The following STK38L variants were observed in gnomAD, a reference collection of about 807,000 sequenced individuals.
STK38L encodes the protein serine/threonine kinase 38 like.
Under a neutral mutation model 59.7 loss-of-function variants are expected in STK38L, and 28 were observed. The observed-to-expected ratio is 0.47, with a 90% CI of 0.35 to 0.64. The LOEUF (loss-of-function observed/expected upper bound fraction) is 0.64. Among genes scored for constraint, STK38L ranks in the 30% least tolerant of loss-of-function variants. The probability of loss-of-function intolerance (pLI) is 0.01; values close to 1 mark genes in which losing one functional copy is unlikely to be tolerated. For missense variants in STK38L, 314 were observed against 555.8 expected (o/e 0.56, Z 4.37); for synonymous variants, 162 against 176.8 (o/e 0.92, Z 0.66).
At chr12:27,300,945 C>T (rs1944154509) in intron 2 of STK38L, among the ~76,000 whole-genome samples, 1 of 152,136 alleles carries the variant, frequency 6.6e-6, no homozygotes, top group African/African-American at 2.4e-5. Flanking sequence ...AATCCTTAAC[C>T]CTTATACCCA....
In STK38L at chr12:27,314,710, G is replaced by A. The variant is rs575059794; in HGVS notation, c.672+52G>A. Reference sequence around the variant, plus strand: ...AGGCTGTTGATTATTTTTTAGAGCAGTAGGGCTGATTTTGTGAATGGAAAT... The same window carrying A: ...AGGCTGTTGATTATTTTTTAGAGCAATAGGGCTGATTTTGTGAATGGAAAT... On this transcript the variant is annotated intron_variant, in intron 7 of 13. Coordinates refer to ENST00000389032, the MANE Select transcript of STK38L (RefSeq NM_015000.4). 8 of 1,522,026 alleles carry A rather than the reference G, an allele frequency of 5.3e-6. No individual in the cohort carries two copies. In the South Asian group the frequency reaches 9.1e-5, roughly 17 times the overall value. The allele number at this position is 1,522,026 out of a possible 1,614,324, so 94.3% of individuals were successfully genotyped here. A position where few individuals can be genotyped will look rare whatever the true frequency, so the allele number is the denominator to read the frequency against.
At chr12:27,271,724 G>A (rs1943426915) in intron 1 of STK38L, among the ~76,000 whole-genome samples, 1 of 152,112 alleles carries the variant, frequency 6.6e-6, no homozygotes, top group Non-Finnish European at 1.5e-5. Flanking sequence ...TTTTGAGACG[G>A]AGTTTTGCTC....
chr12:27,289,644 A>G (rs1373470794), intron 1 of STK38L, among the ~76,000 whole-genome samples: 1 of 152,244 alleles, frequency 6.6e-6, no homozygotes, highest in Non-Finnish European at 1.5e-5. Flanking sequence ...TGATCAGGGC[A>G]TACGCCACAT....
In STK38L at chr12:27,323,710, G is replaced by A. The variant is rs1286157879; in HGVS notation, c.*1255G>A. 1 of 152,566 alleles carries A rather than the reference G, an allele frequency of 6.6e-6. No individual in the cohort carries two copies. The highest frequency in any genetic ancestry group is 1.5e-5 in the Non-Finnish European group (1 of 67,988). 9.5% of individuals were successfully genotyped at this position (152,566 alleles called of 1,614,324 possible). A position where few individuals can be genotyped will look rare whatever the true frequency, so the allele number is the denominator to read the frequency against. Reference sequence around the variant, plus strand: ...TGTGGTGAATATAGATGGAATTAAGGAAGTAAATGCAGGCCAGGGGGTTGT... The same window carrying A: ...TGTGGTGAATATAGATGGAATTAAGAAAGTAAATGCAGGCCAGGGGGTTGT... On this transcript the variant is annotated 3_prime_UTR_variant, in exon 14 of 14. Transcript: ENST00000389032.
At position 27,259,851 on chromosome 12, in the gene STK38L, A is replaced by G. The variant is rs1943168619; in HGVS notation, c.-12+15519A>G. Among the ~76,000 whole-genome samples the G allele has an allele frequency of 2.6e-5, 4 of 152,104 alleles. No homozygotes were observed. In the South Asian group the frequency reaches 8.3e-4, roughly 31 times the overall value. ...TCCTGTGTTTCTTTTATAGGCATCCATGTTATGTGTCCCTCCTTTCTTTTT... is the reference window on the plus strand; with the variant it reads ...TCCTGTGTTTCTTTTATAGGCATCCGTGTTATGTGTCCCTCCTTTCTTTTT... On this transcript the variant is annotated intron_variant, in intron 1 of 13. Coordinates refer to ENST00000389032, the MANE Select transcript of STK38L (RefSeq NM_015000.4).
intron 3 of STK38L, among the ~76,000 whole-genome samples, chr12:27,305,386 C>G (rs1436131873): frequency 6.6e-6 from 1 of 151,796 alleles, no homozygotes; most frequent in Admixed American, 6.6e-5. Context: ...GTCAGTGGCC[C>G]ATAATACCAG....
chr12:27,319,049 C>T (rs1944660432), intron 11 of STK38L, among the ~76,000 whole-genome samples: 1 of 152,064 alleles, frequency 6.6e-6, no homozygotes, highest in African/African-American at 2.4e-5. Flanking sequence ...CAAATTTTCT[C>T]AGTATATCAA....
At chr12:27,304,657 A>G (rs973059377) in intron 3 of STK38L, among the ~76,000 whole-genome samples, 9 of 152,152 alleles carry the variant, frequency 5.9e-5, no homozygotes, top group African/African-American at 2.2e-4. Flanking sequence ...TAAATTTCTT[A>G]TAATTAATAA....
rs892260445 is a variant in STK38L at position 27,308,563 on chromosome 12, G to A, written c.309+102G>A. On this transcript the variant is annotated intron_variant, in intron 4 of 13. Coordinates refer to ENST00000389032, the MANE Select transcript of STK38L (RefSeq NM_015000.4). This position sits in a 1 kb window ranked among gnomAD's most constrained non-coding sequence, Gnocchi z 4.5. ...TTCCTGGCTGGGTGCGGTGGCTCAC[G>A]CCTGTAATCCCAATACTTTGGGAGG... 10 of 1,218,384 alleles carry A rather than the reference G, an allele frequency of 8.2e-6. No homozygotes were observed. Among genetic ancestry groups the A allele is most frequent in the East Asian group, 4.0e-5 (1 of 25,098 alleles). The allele number at this position is 1,218,384 out of a possible 1,614,324, so 75.5% of individuals were successfully genotyped here. A position where few individuals can be genotyped will look rare whatever the true frequency, so the allele number is the denominator to read the frequency against.
chr12:27,312,804 T>C (rs751847420), intron 6 of STK38L, 132 bp downstream of exon 6: 27 of 1,067,158 alleles, frequency 2.5e-5, no homozygotes, highest in Non-Finnish European at 3.1e-5. Flanking sequence ...TAAAAATATT[T>C]ACTACCATAT....
intron 1 of STK38L, among the ~76,000 whole-genome samples, chr12:27,285,827 T>C (rs1447059051): frequency 1.3e-5 from 2 of 152,240 alleles, no homozygotes; most frequent in African/African-American, 2.4e-5. Context: ...CTCTCTTCTT[T>C]GTATGATTTT....
At chr12:27,268,823 A>G (rs979335990) in intron 1 of STK38L, among the ~76,000 whole-genome samples, 4 of 152,124 alleles carry the variant, frequency 2.6e-5, no homozygotes, top group Non-Finnish European at 5.9e-5. Context: ...AACTGGTGTG[A>G]GATGGTATCT....
intron 1 of STK38L, among the ~76,000 whole-genome samples, chr12:27,272,948 A>G (rs529952330): frequency 6.6e-6 from 1 of 152,288 alleles, no homozygotes; most frequent in Admixed American, 6.5e-5. Flanking sequence ...ATGAAGAAAT[A>G]CTGGAAAAAC....
At chr12:27,281,918 C>T (rs139684367) in intron 1 of STK38L, among the ~76,000 whole-genome samples, 1 of 152,060 alleles carries the variant, frequency 6.6e-6, no homozygotes, top group East Asian at 1.9e-4. Context: ...CACCTGTAAT[C>T]CCAGCTACTT....
chr12:27,262,419 A>C (rs1943219876), intron 1 of STK38L, among the ~76,000 whole-genome samples: 1 of 152,248 alleles, frequency 6.6e-6, no homozygotes, highest in Non-Finnish European at 1.5e-5. Flanking sequence ...ATACCTATTG[A>C]GAAAGCACTA....
intron 1 of STK38L, among the ~76,000 whole-genome samples, chr12:27,257,337 A>G (rs889629149): frequency 6.6e-6 from 1 of 152,234 alleles, no homozygotes; most frequent in African/African-American, 2.4e-5. Flanking sequence ...GGATATGGTC[A>G]GTGTGCTTTC....
intron 1 of STK38L, among the ~76,000 whole-genome samples, chr12:27,283,977 A>G (rs1943714965): frequency 6.6e-6 from 1 of 152,232 alleles, no homozygotes; most frequent in African/African-American, 2.4e-5. Flanking sequence ...CAACTTCTGT[A>G]ATTGAAATCT....
Position 27,324,100 on chromosome 12 carries a change from T to C in STK38L, c.*1645T>C, listed in dbSNP as rs909715105. The stretch of plus-strand genomic sequence containing the variant: ...TGCTGCTGGGTAGCTCCACAGTGTT[T>C]CATAAGGCCATCCTGTTTCCCCCAA... On this transcript the variant is annotated 3_prime_UTR_variant, in exon 14 of 14. Transcript: ENST00000389032. 3 of 152,120 alleles carry C rather than the reference T, an allele frequency of 2.0e-5. No homozygotes were observed. Among genetic ancestry groups the C allele is most frequent in the African/African-American group, 7.2e-5 (3 of 41,446 alleles). The allele number at this position is 152,120 out of a possible 1,614,324, so 9.4% of individuals were successfully genotyped here.
intron 1 of STK38L, among the ~76,000 whole-genome samples, chr12:27,258,892 A>G (rs1217162245): frequency 1.3e-5 from 2 of 152,200 alleles, no homozygotes; most frequent in African/African-American, 2.4e-5. Context: ...CCCAGTGAAT[A>G]TTGCAGAACT....
Sources: allele counts gnomAD v4.1 joint callset (sites outside exome capture counted in the v4.1 genomes callset), GRCh38; gene constraint gnomAD v4.1.1; non-coding constraint Gnocchi (gnomAD v3.1); transcripts MANE v1.5; gene names NCBI Gene and HGNC (gene_info 2026-07-23, HGNC 2026-07-21).